CSMD1: variants seen among roughly 807,000 people sequenced by gnomAD.
CSMD1 encodes CUB and sushi domain-containing protein 1.
Under a neutral mutation model 417.5 loss-of-function variants are expected in CSMD1, and 213 were observed. That is an observed-to-expected ratio of 0.51 (90% CI 0.46 to 0.57). The LOEUF (loss-of-function observed/expected upper bound fraction) is 0.57. CSMD1 is among the 20% of genes least tolerant of loss of function. CSMD1 has a pLI of 0.00. For missense variants in CSMD1, 6,923 were observed against 4,529.7 expected (o/e 1.53, Z -15.17); for synonymous variants, 2,862 against 1,736.8 (o/e 1.65, Z -16.11).
chr8:4,560,996 C>T (rs1482939843), intron 2 of CSMD1, among the ~76,000 whole-genome samples: 1 of 152,210 alleles, frequency 6.6e-6, no homozygotes, highest in Non-Finnish European at 1.5e-5. Flanking sequence ...CCAAGTCTTA[C>T]ACAGTGCTTT....
At chr8:3,671,496 CATATATAT>C (rs200669319) in intron 7 of CSMD1, among the ~76,000 whole-genome samples, 2 of 12,368 alleles carry the variant, frequency 1.6e-4, no homozygotes, top group Non-Finnish European at 2.7e-4. Context: ...TATATATGAT[CATATATAT>C]ATATATATGA....
At chr8:4,550,644 A>T (rs767823081) in intron 2 of CSMD1, among the ~76,000 whole-genome samples, 3 of 152,154 alleles carry the variant, frequency 2.0e-5, no homozygotes, top group Admixed American at 2.0e-4. Context: ...ATTTAAAAGG[A>T]TCTCTAACAG....
At chr8:3,941,203 A>G (rs1017407844) in intron 5 of CSMD1, among the ~76,000 whole-genome samples, 3 of 152,158 alleles carry the variant, frequency 2.0e-5, no homozygotes, top group African/African-American at 7.2e-5. Context: ...AAATTGTGCT[A>G]GAGAACAATT....
Position 3,327,454 on chromosome 8 carries a change from G to A in CSMD1, c.3631+15840C>T, listed in dbSNP as rs1298511857. ...GGCCTACAATACTATCTTTTTTATA[G>A]CACAGAAAATTCTGAGTTTACAAGT... On this transcript the variant is annotated intron_variant, in intron 23 of 69. Transcript: ENST00000635120. Among the ~76,000 whole-genome samples the A allele has an allele frequency of 3.9e-5, 6 of 152,120 alleles. No individual in the cohort carries two copies. In the East Asian group the frequency reaches 1.2e-3, roughly 29 times the overall value.
At chr8:4,615,275 A>G (rs1801411399) in intron 2 of CSMD1, among the ~76,000 whole-genome samples, 1 of 152,184 alleles carries the variant, frequency 6.6e-6, no homozygotes, top group Admixed American at 6.5e-5. Context: ...TTAAGGCACT[A>G]TGAAATAATC....
At chr8:4,432,592 C>A (rs554468693) in intron 2 of CSMD1, among the ~76,000 whole-genome samples, 1 of 152,110 alleles carries the variant, frequency 6.6e-6, no homozygotes, top group Admixed American at 6.6e-5. Context: ...AAAGCTCACT[C>A]CTTTTGCAGG....
chr8:4,708,363 G>T (rs1808082570), intron 1 of CSMD1, among the ~76,000 whole-genome samples: 1 of 152,146 alleles, frequency 6.6e-6, no homozygotes, highest in South Asian at 2.1e-4. Flanking sequence ...GACAACATCT[G>T]TCTTGTTCAT....
intron 25 of CSMD1, among the ~76,000 whole-genome samples, chr8:3,298,494 A>C (rs1333475010): frequency 1.3e-5 from 2 of 152,132 alleles, no homozygotes; most frequent in African/African-American, 4.8e-5. Context: ...TGATCTGTTG[A>C]CCAGGCTGGA....
chr8:4,069,773 C>T (rs2552117), intron 3 of CSMD1, among the ~76,000 whole-genome samples: 110,854 of 152,042 alleles, frequency 0.73, 41,184 homozygotes, highest in South Asian at 0.85. Context: ...ATCTTCCAAA[C>T]TCCTGTTTTG....
chr8:3,828,032 G>A (rs537758190), intron 5 of CSMD1, among the ~76,000 whole-genome samples: 61 of 152,276 alleles, frequency 4.0e-4, no homozygotes, highest in African/African-American at 1.4e-3. Context: ...ATATGGATTT[G>A]TGTGTGATAT....
intron 2 of CSMD1, among the ~76,000 whole-genome samples, chr8:4,571,874 T>C (rs763487887): frequency 1.3e-5 from 2 of 152,352 alleles, no homozygotes; most frequent in Middle Eastern, 3.4e-3. Flanking sequence ...TTTACCATTA[T>C]GTAATGCCCT....
intron 2 of CSMD1, among the ~76,000 whole-genome samples, chr8:4,596,872 G>A (rs1302422934): frequency 6.6e-6 from 1 of 152,156 alleles, no homozygotes; most frequent in Admixed American, 6.5e-5. Flanking sequence ...TCTTTCCCAT[G>A]CTATTCTTCT....
chr8:4,161,901 A>C (rs1797193283), intron 3 of CSMD1, among the ~76,000 whole-genome samples: 1 of 152,148 alleles, frequency 6.6e-6, no homozygotes, highest in Non-Finnish European at 1.5e-5. Context: ...GTAAGTCAAG[A>C]CTTCATCAGT....
intron 3 of CSMD1, among the ~76,000 whole-genome samples, chr8:4,166,230 T>A (rs1420921939): frequency 6.6e-6 from 1 of 152,168 alleles, no homozygotes; most frequent in Non-Finnish European, 1.5e-5. Flanking sequence ...TAACCCAATA[T>A]ATCCAGATTA....
At chr8:3,970,320 A>G (rs1420035017) in intron 5 of CSMD1, among the ~76,000 whole-genome samples, 1 of 152,196 alleles carries the variant, frequency 6.6e-6, no homozygotes, top group South Asian at 2.1e-4. Context: ...GGTGATCAAC[A>G]CAGAGAATCC....
At chr8:3,133,173 C>T (rs781462570) in intron 41 of CSMD1, among the ~76,000 whole-genome samples, 1 of 152,170 alleles carries the variant, frequency 6.6e-6, no homozygotes, top group Non-Finnish European at 1.5e-5. Flanking sequence ...GGGAGGCCGA[C>T]CTGGGGCCCC....
At chr8:4,268,598 G>A (rs866221461) in intron 3 of CSMD1, among the ~76,000 whole-genome samples, 1 of 152,048 alleles carries the variant, frequency 6.6e-6, no homozygotes, top group Non-Finnish European at 1.5e-5. Flanking sequence ...ACTTATTTTT[G>A]CAAGAGTAGC....
chr8:4,205,679 A>C (rs1433171284), intron 3 of CSMD1, among the ~76,000 whole-genome samples: 1 of 151,862 alleles, frequency 6.6e-6, no homozygotes, highest in East Asian at 1.9e-4. Context: ...CATTTGGGAA[A>C]TTTTTACAAA....
In CSMD1 at chr8:3,643,644, T is replaced by A. The variant is rs1233414992; in HGVS notation, c.1010-26847A>T. 1.4e-5 allele frequency among the ~76,000 whole-genome samples: 2 copies of A among 139,226 alleles called. 1 individual carries two copies. The highest frequency in any genetic ancestry group is 4.3e-4 in the East Asian group (2 of 4,698). The allele number at this position is 139,226 out of a possible 152,430, so 91.3% of individuals were successfully genotyped here. A position where few individuals can be genotyped will look rare whatever the true frequency, so the allele number is the denominator to read the frequency against. On this transcript the variant is annotated intron_variant, in intron 7 of 69. Transcript: ENST00000635120. ...TGAACCCGGGAGGTGGAGCTTGCAG[T>A]GAGCCGAGATCGCGCCACTGCACCC...
Sources: gnomAD v4.1 joint callset for allele counts (sites outside exome capture counted in the v4.1 genomes callset) on GRCh38, gnomAD v4.1.1 for gene constraint, MANE v1.5 for transcripts, NCBI Gene and HGNC (gene_info 2026-07-23, HGNC 2026-07-21) for gene names.